DHRSX: variants seen among roughly 807,000 people sequenced by gnomAD.
DHRSX encodes the protein polyprenol dehydrogenase.
Under a neutral mutation model 34.0 loss-of-function variants are expected in DHRSX, and 31 were observed. That is an observed-to-expected ratio of 0.91 (90% CI 0.69 to 1.23). The LOEUF (loss-of-function observed/expected upper bound fraction) is 1.23, where lower values mean the gene tolerates loss of function less well. DHRSX is among the 50% of genes most tolerant of loss of function. DHRSX has a pLI of 0.00. For synonymous variants in DHRSX, 201 were observed against 183.8 expected (o/e 1.09, Z -0.76); for missense variants, 414 against 428.1 (o/e 0.97, Z 0.29).
At chrX:2,493,160 C>T (rs2045199514) in intron 1 of DHRSX, among the ~76,000 whole-genome samples, 1 of 152,162 alleles carries the variant, frequency 6.6e-6, no homozygotes, top group Non-Finnish European at 1.5e-5. Flanking sequence ...ATAACATGAC[C>T]GGGACTTCCA....
At chrX:2,447,620 T>C (rs2044155456) in intron 1 of DHRSX, among the ~76,000 whole-genome samples, 1 of 151,798 alleles carries the variant, frequency 6.6e-6, no homozygotes, top group South Asian at 2.1e-4. Context: ...TTCCAAGATA[T>C]AGAATCAACC....
chrX:2,486,135 G>C (rs1454394928), intron 1 of DHRSX, among the ~76,000 whole-genome samples: 3 of 152,042 alleles, frequency 2.0e-5, no homozygotes, highest in Non-Finnish European at 4.4e-5. Context: ...TATCCACTAA[G>C]TGAAGGAACC....
intron 5 of DHRSX, among the ~76,000 whole-genome samples, chrX:2,247,497 A>G (rs1307729133): frequency 6.6e-6 from 1 of 151,532 alleles, no homozygotes; most frequent in Admixed American, 6.6e-5. Flanking sequence ...TACTAAAAAA[A>G]CAAAAAATTA....
At chrX:2,309,780 G>A (rs1415148163) in intron 3 of DHRSX, among the ~76,000 whole-genome samples, 1 of 152,124 alleles carries the variant, frequency 6.6e-6, no homozygotes, top group East Asian at 1.9e-4. Flanking sequence ...GAGTGTGGTG[G>A]TGCATGTCTG....
At chrX:2,343,582 A>G (rs2042666357) in intron 3 of DHRSX, among the ~76,000 whole-genome samples, 1 of 152,120 alleles carries the variant, frequency 6.6e-6, no homozygotes, top group African/African-American at 2.4e-5. Context: ...TGGCTACCTT[A>G]ACAGATGCCA....
chrX:2,341,279 A>C (rs1233188842), intron 3 of DHRSX, among the ~76,000 whole-genome samples: 1 of 152,154 alleles, frequency 6.6e-6, no homozygotes, highest in East Asian at 1.9e-4. Context: ...GTAACCCATG[A>C]CCCCAAACTA....
intron 3 of DHRSX, among the ~76,000 whole-genome samples, chrX:2,313,892 G>A (rs1176961981): frequency 1.3e-5 from 2 of 151,836 alleles, no homozygotes; most frequent in African/African-American, 4.8e-5. Flanking sequence ...CAGAAAGGTG[G>A]GACAACTCAA....
intron 3 of DHRSX, among the ~76,000 whole-genome samples, chrX:2,402,889 T>C (rs1176681547): frequency 7.3e-6 from 1 of 136,548 alleles, no homozygotes; most frequent in African/African-American, 2.9e-5. Context: ...GTTTCTTTTT[T>C]TTTTTTTTTT....
At chrX:2,355,120 C>T (rs1458856024) in intron 3 of DHRSX, among the ~76,000 whole-genome samples, 1 of 152,014 alleles carries the variant, frequency 6.6e-6, no homozygotes, top group African/African-American at 2.4e-5. Flanking sequence ...AAGGAAAACA[C>T]AAATATACAG....
chrX:2,429,526 A>C (rs983597722), intron 1 of DHRSX, among the ~76,000 whole-genome samples: 2 of 151,636 alleles, frequency 1.3e-5, no homozygotes, highest in Admixed American at 6.6e-5. Flanking sequence ...TGGCTCGCTG[A>C]AGCCTCGACC....
chrX:2,229,877 C>G (rs2015829485), intron 6 of DHRSX, among the ~76,000 whole-genome samples: 1 of 152,024 alleles, frequency 6.6e-6, no homozygotes, highest in Non-Finnish European at 1.5e-5. Context: ...ATGTGCATGT[C>G]TGTATGTATA....
intron 3 of DHRSX, among the ~76,000 whole-genome samples, chrX:2,396,379 T>TTC (rs1556504749): frequency 6.5e-5 from 9 of 139,274 alleles, no homozygotes; most frequent in South Asian, 2.4e-4. Flanking sequence ...CTTTTTCTTT[T>TTC]TTTTTTTTTT....
intron 1 of DHRSX, chrX:2,489,022 G>A: frequency 1.2e-6 from 2 of 1,612,846 alleles, no homozygotes; most frequent in African/African-American, 2.7e-5. Context: ...CCACCACCTG[G>A]GCATGCCACT....
chrX:2,370,595 A>G (rs1326704121), intron 3 of DHRSX, among the ~76,000 whole-genome samples: 1 of 151,862 alleles, frequency 6.6e-6, no homozygotes, highest in Non-Finnish European at 1.5e-5. Flanking sequence ...TTACTGAAAA[A>G]AAAAAAAAAA....
intron 3 of DHRSX, among the ~76,000 whole-genome samples, chrX:2,379,687 A>G (rs2043182748): frequency 6.7e-6 from 1 of 149,168 alleles, no homozygotes; most frequent in African/African-American, 2.5e-5. Context: ...AGAGCTCATG[A>G]AGGACCCTGT....
At chrX:2,414,786 A>G (rs1351574561) in intron 2 of DHRSX, among the ~76,000 whole-genome samples, 1 of 152,094 alleles carries the variant, frequency 6.6e-6, no homozygotes, top group East Asian at 1.9e-4. Context: ...GGGTCTCATC[A>G]TGACCCAATA....
chrX:2,302,237 G>A (rs2042020847), intron 3 of DHRSX, among the ~76,000 whole-genome samples: 1 of 152,134 alleles, frequency 6.6e-6, no homozygotes, highest in Admixed American at 6.5e-5. Flanking sequence ...TCCTCATCAT[G>A]GAGAATGAAG....
chrX:2,494,939 T>C (rs2045244894), intron 1 of DHRSX, among the ~76,000 whole-genome samples: 1 of 151,844 alleles, frequency 6.6e-6, no homozygotes, highest in Admixed American at 6.6e-5. Flanking sequence ...TCCCAGGACC[T>C]GGAGCAAAGG....
intron 5 of DHRSX, among the ~76,000 whole-genome samples, chrX:2,258,749 G>A (rs2041314484): frequency 6.6e-6 from 1 of 152,150 alleles, no homozygotes; most frequent in African/African-American, 2.4e-5. Context: ...ATGAAAAAGG[G>A]GCCTATTTGG....
Sources: allele counts gnomAD v4.1 joint callset (sites outside exome capture counted in the v4.1 genomes callset), GRCh38; gene constraint gnomAD v4.1.1; transcripts MANE v1.5; gene names NCBI Gene and HGNC (gene_info 2026-07-23, HGNC 2026-07-21).